PPARG: variants seen among roughly 807,000 people sequenced by gnomAD.
The protein encoded by PPARG is peroxisome proliferator-activated receptor gamma.
PPARG carries 17 observed loss-of-function variants against 39.2 expected under a neutral mutation model. The ratio of observed to expected loss-of-function variants is 0.43; its 90% confidence interval spans 0.30 to 0.65. The LOEUF (loss-of-function observed/expected upper bound fraction) is 0.65, where lower values mean the gene tolerates loss of function less well. Ranked by LOEUF, PPARG falls within the 30% of genes least tolerant of loss-of-function variation. The pLI, the probability that PPARG is intolerant of heterozygous loss-of-function variation, is 0.13. For missense variants in PPARG, 406 were observed against 585.9 expected, an observed-to-expected ratio of 0.69 and a Z score of 3.17; for synonymous variants, 223 against 215.7, an observed-to-expected ratio of 1.03 and a Z score of -0.30.
intron 5 of PPARG, among the ~76,000 whole-genome samples, chr3:12,400,707 A>G (rs138090087): frequency 1.6e-4 from 24 of 152,358 alleles, no homozygotes; most frequent in African/African-American, 5.8e-4. Flanking sequence ...CTCAAAAACT[A>G]GACAAATACT....
At chr3:12,289,786 T>A (rs543415296) in intron 1 of PPARG, among the ~76,000 whole-genome samples, 7 of 152,322 alleles carry the variant, frequency 4.6e-5, no homozygotes, top group Admixed American at 2.0e-4. Context: ...TAGGGGAGTT[T>A]GACAGAAGAC....
rs1225556988 is a variant in PPARG at position 12,392,679 on chromosome 3, C to T, written c.456C>T (p.Ile152=). 6.2e-7 allele frequency: 1 copy of T among 1,613,644 alleles called. No individual in the cohort carries two copies. The highest frequency in any genetic ancestry group is 2.2e-5 in the East Asian group (1 of 44,866). ...ACAGATGTGATCTTAACTGTCGGAT[C>T]CACAAAAAAAGTAGAAATAAATGTC... ...IYDRCDLNCR[I]HKKSRNKCQY... is the part of the protein sequence containing the mutation. Residue 152 remains isoleucine, a synonymous_variant, in exon 5 of 8, where the codon ATC becomes ATT. Coordinates refer to ENST00000651735, the MANE Select transcript of PPARG (RefSeq NM_138711.6).
At chr3:12,363,980 C>T (rs1315473512) in intron 2 of PPARG, among the ~76,000 whole-genome samples, 3 of 151,886 alleles carry the variant, frequency 2.0e-5, no homozygotes, top group East Asian at 1.9e-4. Context: ...TCCCCCACCA[C>T]GCACAATCTC....
chr3:12,341,919 C>T (rs1021324900), intron 2 of PPARG, among the ~76,000 whole-genome samples: 1 of 152,282 alleles, frequency 6.6e-6, no homozygotes, highest in South Asian at 2.1e-4. Context: ...AAGTTTGTTA[C>T]ACCTTTAGGT....
intron 6 of PPARG, chr3:12,406,909 C>T (rs2050693915): frequency 6.6e-6 from 1 of 152,276 alleles, no homozygotes. Flanking sequence ...TTCTGCAAGG[C>T]TCTGAGCTGC....
chr3:12,387,928 C>CA (rs948735961), intron 4 of PPARG, among the ~76,000 whole-genome samples: 7 of 151,844 alleles, frequency 4.6e-5, no homozygotes, highest in African/African-American at 1.5e-4. Context: ...ATTCTCTTAT[C>CA]AAAAAAACCT....
At chr3:12,368,059 A>T (rs564796036) in intron 2 of PPARG, among the ~76,000 whole-genome samples, 8 of 152,268 alleles carry the variant, frequency 5.3e-5, no homozygotes, top group Middle Eastern at 6.8e-3. Flanking sequence ...AACTTCAGAA[A>T]CATTGAATTT....
chr3:12,413,910 T>C (rs2050971353), intron 6 of PPARG, among the ~76,000 whole-genome samples: 1 of 152,088 alleles, frequency 6.6e-6, no homozygotes, highest in South Asian at 2.1e-4. Flanking sequence ...CAGGAAATCC[T>C]GACCAACATC....
intron 2 of PPARG, among the ~76,000 whole-genome samples, chr3:12,358,241 A>G (rs2048728771): frequency 6.6e-6 from 1 of 152,182 alleles, no homozygotes; most frequent in Non-Finnish European, 1.5e-5. Flanking sequence ...ACCTTTTGAT[A>G]CTTCCATTAT....
chr3:12,367,591 G>A (rs1467988092), intron 2 of PPARG, among the ~76,000 whole-genome samples: 2 of 151,862 alleles, frequency 1.3e-5, no homozygotes, highest in African/African-American at 4.8e-5. Flanking sequence ...ACTCATGCCT[G>A]TAATCCCAAC....
At chr3:12,342,863 C>T (rs1050380360) in intron 2 of PPARG, among the ~76,000 whole-genome samples, 22 of 151,774 alleles carry the variant, frequency 1.4e-4, no homozygotes, top group Admixed American at 5.2e-4. Context: ...TTCTTTCCTT[C>T]AAGGAAAATG....
intron 1 of PPARG, among the ~76,000 whole-genome samples, chr3:12,290,870 TGAAGTAG>T (rs1173239244): frequency 6.6e-6 from 1 of 152,170 alleles, no homozygotes; most frequent in Non-Finnish European, 1.5e-5. Flanking sequence ...GAGGCTTTCA[TGAAGTAG>T]GAAAATATGT....
At chr3:12,416,394 A>G (rs927134345) in intron 6 of PPARG, among the ~76,000 whole-genome samples, 2 of 149,550 alleles carry the variant, frequency 1.3e-5, no homozygotes, top group African/African-American at 4.9e-5. Context: ...AAACAAACAA[A>G]TAATATAAAA....
At chr3:12,308,378 A>G (rs1420053231) in intron 1 of PPARG, among the ~76,000 whole-genome samples, 1 of 149,116 alleles carries the variant, frequency 6.7e-6, no homozygotes, top group Non-Finnish European at 1.5e-5. Context: ...AAAGGGAGAA[A>G]CTGATTTCAA....
chr3:12,305,863 C>G (rs752012700), intron 1 of PPARG: 2 of 152,176 alleles, frequency 1.3e-5, no homozygotes, highest in African/African-American at 2.4e-5. Context: ...GACCATTCTG[C>G]AGTTTAAATC....
chr3:12,407,043 C>G (rs981738088), intron 6 of PPARG, among the ~76,000 whole-genome samples: 1 of 152,152 alleles, frequency 6.6e-6, no homozygotes. Context: ...TCTTCTCTGA[C>G]TGGAAACTGA....
chr3:12,372,097 T>G (rs1164345268), intron 2 of PPARG: 1 of 721,684 alleles, frequency 1.4e-6, no homozygotes, highest in East Asian at 2.6e-5. Flanking sequence ...AAAGGACCTA[T>G]GAAAGGCTTT....
At chr3:12,372,803 C>T (rs1290055589) in intron 2 of PPARG, among the ~76,000 whole-genome samples, 2 of 152,100 alleles carry the variant, frequency 1.3e-5, no homozygotes, top group Admixed American at 6.5e-5. Flanking sequence ...CTACTTCATC[C>T]TTTGAGTATT....
chr3:12,397,473 C>T (rs556449125), intron 5 of PPARG, among the ~76,000 whole-genome samples: 4 of 150,202 alleles, frequency 2.7e-5, no homozygotes, highest in East Asian at 3.9e-4. Context: ...TGCAGTGGCG[C>T]GATCTAGGCT....
Sources: allele counts gnomAD v4.1 joint callset (sites outside exome capture counted in the v4.1 genomes callset), GRCh38; gene constraint gnomAD v4.1.1; transcripts MANE v1.5; gene names NCBI Gene and HGNC (gene_info 2026-07-23, HGNC 2026-07-21).